The following CSNK2A2IP variants were observed in gnomAD, a reference collection of about 807,000 sequenced individuals.
CSNK2A2IP encodes casein kinase II subunit alpha'-interacting protein.
chr3:88,418,437 A>AGTGTGTGTGTGT, the CSNK2A2IP span, among the ~76,000 whole-genome samples: 5 of 122,120 alleles, frequency 4.1e-5, no homozygotes, highest in South Asian at 1.0e-3. Flanking sequence ...ACTGAATGTC[A>AGTGTGTGTGTGT]GTGTGTGTGT....
the CSNK2A2IP span, among the ~76,000 whole-genome samples, chr3:88,364,914 C>T: frequency 2.0e-5 from 3 of 152,126 alleles, no homozygotes; most frequent in Non-Finnish European, 4.4e-5. Context: ...ATGTGCCACA[C>T]CTACACTCTG....
At chr3:88,426,748 T>C in the CSNK2A2IP span, among the ~76,000 whole-genome samples, 2 of 152,098 alleles carry the variant, frequency 1.3e-5, no homozygotes, top group African/African-American at 2.4e-5. Context: ...TCGCCATGAT[T>C]GTAAGTTTCC....
the CSNK2A2IP span, among the ~76,000 whole-genome samples, chr3:88,397,226 T>C: frequency 1.3e-5 from 2 of 152,210 alleles, no homozygotes; most frequent in Non-Finnish European, 2.9e-5. Context: ...CAATTCTTGT[T>C]CTTCCTCTTT....
At chr3:88,463,687 C>T in the CSNK2A2IP span, among the ~76,000 whole-genome samples, 12 of 152,088 alleles carry the variant, frequency 7.9e-5, no homozygotes, top group Non-Finnish European at 1.6e-4. Flanking sequence ...AATAGAAACA[C>T]TTTTACACTG....
At chr3:88,417,631 A>G in the CSNK2A2IP span, among the ~76,000 whole-genome samples, 2 of 152,244 alleles carry the variant, frequency 1.3e-5, no homozygotes, top group Non-Finnish European at 2.9e-5. Flanking sequence ...CAGGCAATCT[A>G]AACAAGGTGG....
chr3:88,404,595 T>G, the CSNK2A2IP span, among the ~76,000 whole-genome samples: 1 of 122,562 alleles, frequency 8.2e-6, no homozygotes, highest in African/African-American at 2.7e-5. Flanking sequence ...CCATTTACTC[T>G]TTGTTTCTCT....
At chr3:88,465,820 T>A in the CSNK2A2IP span, 2 of 1,231,710 alleles carry the variant, frequency 1.6e-6, no homozygotes, top group Non-Finnish European at 2.0e-6. Context: ...ATTACCCTTC[T>A]GTAAACCTCA....
chr3:88,386,135 T>C, the CSNK2A2IP span, among the ~76,000 whole-genome samples: 1,510 of 152,118 alleles, frequency 9.9e-3, 22 homozygotes, highest in African/African-American at 0.035. Flanking sequence ...TTTTTTTTTC[T>C]TTTTTTGAGA....
the CSNK2A2IP span, among the ~76,000 whole-genome samples, chr3:88,416,786 A>C: frequency 6.6e-6 from 1 of 152,146 alleles, no homozygotes; most frequent in Non-Finnish European, 1.5e-5. Context: ...CTGCTTGACC[A>C]AAGAGCTGAG....
At chr3:88,456,875 G>A in the CSNK2A2IP span, among the ~76,000 whole-genome samples, 1 of 151,930 alleles carries the variant, frequency 6.6e-6, no homozygotes, top group Admixed American at 6.6e-5. Context: ...AATAAGACTT[G>A]ACGTCAGGTA....
the CSNK2A2IP span, among the ~76,000 whole-genome samples, chr3:88,357,976 C>G: frequency 1.3e-5 from 2 of 152,134 alleles, no homozygotes; most frequent in Non-Finnish European, 2.9e-5. Context: ...TTCTGCCCAC[C>G]TCTGCCTCTC....
At chr3:88,361,775 C>A in the CSNK2A2IP span, among the ~76,000 whole-genome samples, 1 of 152,002 alleles carries the variant, frequency 6.6e-6, no homozygotes, top group Admixed American at 6.6e-5. Context: ...TTCTTCTAAA[C>A]CTTGTAAGTA....
chr3:88,421,510 G>A, the CSNK2A2IP span, among the ~76,000 whole-genome samples: 59 of 152,136 alleles, frequency 3.9e-4, no homozygotes, highest in South Asian at 3.1e-3. Context: ...TCCACCTTCC[G>A]GGTTCAAGCA....
chr3:88,465,929 A>G, the CSNK2A2IP span: 4 of 1,231,640 alleles, frequency 3.2e-6, no homozygotes, highest in Non-Finnish European at 4.0e-6. Context: ...CAAAATCAAG[A>G]AATACCTTCC....
At chr3:88,451,732 T>TC in the CSNK2A2IP span, among the ~76,000 whole-genome samples, 2,408 of 47,010 alleles carry the variant, frequency 0.051, 58 homozygotes, top group African/African-American at 0.14. Flanking sequence ...TCTCTCTCTC[T>TC]TTTTTTTTTT....
chr3:88,392,968 A>T, the CSNK2A2IP span, among the ~76,000 whole-genome samples: 6 of 152,220 alleles, frequency 3.9e-5, no homozygotes, highest in African/African-American at 4.8e-5. Context: ...GGGTGAAACA[A>T]CTGGAATCTA....
At chr3:88,343,765 A>G in the CSNK2A2IP span, among the ~76,000 whole-genome samples, 1 of 151,998 alleles carries the variant, frequency 6.6e-6, no homozygotes, top group African/African-American at 2.4e-5. Context: ...ATTTAAATCC[A>G]GATTTTTTTC....
chr3:88,445,752 G>C, the CSNK2A2IP span, among the ~76,000 whole-genome samples: 55 of 151,934 alleles, frequency 3.6e-4, no homozygotes, highest in Admixed American at 3.6e-3. Flanking sequence ...GTAGGGATGG[G>C]GTCTTGCCTA....
the CSNK2A2IP span, among the ~76,000 whole-genome samples, chr3:88,438,903 T>A: frequency 2.0e-5 from 3 of 148,942 alleles, no homozygotes; most frequent in Non-Finnish European, 4.5e-5. Context: ...TGCCCCTACA[T>A]CTCCATGTTG....
Sources: gnomAD v4.1 joint callset for allele counts (sites outside exome capture counted in the v4.1 genomes callset) on GRCh38, gnomAD v4.1.1 for gene constraint, MANE v1.5 for transcripts, NCBI Gene and HGNC (gene_info 2026-07-23, HGNC 2026-07-21) for gene names.